Variants in PIEZO1 observed in about 807,000 individuals in gnomAD.
The protein encoded by PIEZO1 is piezo-type mechanosensitive ion channel component 1.
PIEZO1 carries 296 observed loss-of-function variants against 297.2 expected under a neutral mutation model. The ratio of observed to expected loss-of-function variants is 1.00; its 90% CI spans 0.91 to 1.10. PIEZO1 has a LOEUF of 1.10. Among genes scored for constraint, PIEZO1 ranks in the 50% least tolerant of loss-of-function variants. The pLI is 0.00. For missense variants in PIEZO1, 5,018 were observed against 3,455.5 expected (o/e 1.45, Z -11.34); for synonymous variants, 2,427 against 1,507.5 (o/e 1.61, Z -14.13).
rs549059470 is a variant in PIEZO1 at position 88,720,539 on chromosome 16, A to G, written c.5802-7T>C. The stretch of plus-strand genomic sequence containing the variant: ...CCGATATGTGCCCTGGGCCCTGCGG[A>G]AGGGGGCGCTCAGCCTGGGCCCAGT... On this transcript the variant is annotated splice_polypyrimidine_tract_variant and splice_region_variant and intron_variant, in intron 40 of 50. Coordinates refer to ENST00000301015, the MANE Select transcript of PIEZO1 (RefSeq NM_001142864.4). The G allele has an allele frequency of 7.1e-6, 11 of 1,549,390 alleles. No individual in the cohort carries two copies. Among genetic ancestry groups the G allele is most frequent in the Non-Finnish European group, 9.6e-6 (11 of 1,146,852 alleles).
At position 88,785,181 on chromosome 16, in the gene PIEZO1, T is replaced by G; in HGVS notation, c.-217A>C. The G allele has an allele frequency of 3.7e-6, 1 of 267,536 alleles. No individual in the cohort carries two copies. The allele number at this position is 267,536 out of a possible 1,614,324, so 16.6% of individuals were successfully genotyped here. A position where few individuals can be genotyped will look rare whatever the true frequency, so the allele number is the denominator to read the frequency against. ...CCTGCCCCTCGGCGGAGCGCAGCGC[T>G]CGGCTCACTGGGGCCGAGCTGGGCC... On this transcript the variant is annotated 5_prime_UTR_variant, in exon 1 of 51. Coordinates refer to ENST00000301015, the MANE Select transcript of PIEZO1 (RefSeq NM_001142864.4).
Position 88,715,539 on chromosome 16 carries a change from G to A in PIEZO1, c.*66C>T, listed in dbSNP as rs980874158. 2 of 1,468,462 alleles carry A rather than the reference G, an allele frequency of 1.4e-6. No individual in the cohort carries two copies. Among genetic ancestry groups the A allele is most frequent in the African/African-American group, 1.4e-5 (1 of 71,688 alleles). The allele number at this position is 1,468,462 out of a possible 1,614,324, so 91.0% of individuals were successfully genotyped here. On this transcript the variant is annotated 3_prime_UTR_variant, in exon 51 of 51. Transcript: ENST00000301015. ...CAGTGGCTCCCCCGGCCTGAGGAGT[G>A]CCGCCCCTTGTGGCCACGCTGCCCA...
At chr16:88,781,243 C>T (rs12924828) in intron 1 of PIEZO1, among the ~76,000 whole-genome samples, 1,557 of 152,340 alleles carry the variant, frequency 0.01, 20 homozygotes, top group South Asian at 0.056. Flanking sequence ...GCCCAGGAAG[C>T]TGCCTTGGGG....
At chr16:88,753,311 C>A (rs1413816427) in intron 1 of PIEZO1, among the ~76,000 whole-genome samples, 1 of 102,136 alleles carries the variant, frequency 9.8e-6, no homozygotes, top group Non-Finnish European at 2.0e-5. Flanking sequence ...CCGCAGCACA[C>A]CTCCCGCCCC....
intron 1 of PIEZO1, among the ~76,000 whole-genome samples, chr16:88,774,517 C>G (rs1053471498): frequency 1.3e-5 from 2 of 152,210 alleles, no homozygotes; most frequent in African/African-American, 4.8e-5. Context: ...CTCCTGGGCT[C>G]CAGAGTCCCC....
chr16:88,733,850 G>A, intron 17 of PIEZO1, 56 bp downstream of exon 17: 1 of 1,463,314 alleles, frequency 6.8e-7, no homozygotes. Context: ...CGCCCCCCGA[G>A]CTGGGACATG....
chr16:88,746,230 C>A (rs7192679), intron 2 of PIEZO1, among the ~76,000 whole-genome samples: 1 of 152,054 alleles, frequency 6.6e-6, no homozygotes, highest in African/African-American at 2.4e-5. Flanking sequence ...CTGGCAGAGC[C>A]GGGGGACCAG....
rs541623040 is a variant in PIEZO1 at position 88,754,902 on chromosome 16, G to A, written c.65-5423C>T. Among the ~76,000 whole-genome samples, 106 of 152,354 alleles carry A rather than the reference G, an allele frequency of 7.0e-4. 3 individuals carry two copies. In the South Asian group the frequency reaches 0.016, roughly 23 times the overall value. On this transcript the variant is annotated intron_variant, in intron 1 of 50. Transcript: ENST00000301015. ...GGGGCATCGTGTGAACGAACGCCCC[G>A]GCGTGCCGTCCCGCTCCACGCCTGC...
At chr16:88,759,895 G>C (rs1447926264) in intron 1 of PIEZO1, among the ~76,000 whole-genome samples, 1 of 152,144 alleles carries the variant, frequency 6.6e-6, no homozygotes, top group African/African-American at 2.4e-5. Context: ...GCTGTGTGGG[G>C]AGGGGACCTG....
chr16:88,730,362 G>GGGAGGT (rs1555554648), intron 22 of PIEZO1, among the ~76,000 whole-genome samples: 3 of 151,430 alleles, frequency 2.0e-5, no homozygotes, highest in African/African-American at 4.8e-5. Flanking sequence ...CCTGTAATTT[G>GGGAGGT]GGAGGCGGGT....
chr16:88,735,900 C>T lies in PIEZO1; in HGVS notation c.1557+248G>A, dbSNP rs893090120. Among the ~76,000 whole-genome samples the T allele has an allele frequency of 4.6e-5, 7 of 152,146 alleles. No homozygotes were observed. The East Asian group carries it at 1.3e-3, about 29-fold the overall frequency. On this transcript the variant is annotated intron_variant, in intron 12 of 50. Coordinates refer to ENST00000301015, the MANE Select transcript of PIEZO1 (RefSeq NM_001142864.4). Reference sequence around the variant, plus strand: ...AGGGGTGGTGCCCGTGCCAACAGAGCCCACGCTCACACAGTGTCAGGGCAC... The same window carrying T: ...AGGGGTGGTGCCCGTGCCAACAGAGTCCACGCTCACACAGTGTCAGGGCAC...
chr16:88,742,093 T>A lies in PIEZO1; in HGVS notation c.286A>T (p.Ser96Cys). 6.5e-7 allele frequency: 1 copy of A among 1,535,932 alleles called. No homozygotes were observed. Among genetic ancestry groups the A allele is most frequent in the South Asian group, 1.2e-5 (1 of 84,052 alleles). ...RLDQLLGPSCSRWETLSRHIG... is the reference protein window; with the variant it reads ...RLDQLLGPSCCRWETLSRHIG... The stretch of plus-strand genomic sequence containing the variant: ...TGTCGCGAGAGGGTCTCCCAGCGGC[T>A]GCCTGCAGAGAAAGACGGGGGAACC... Residue 96 changes from serine to cysteine, a missense_variant and splice_region_variant, in exon 4 of 51, where the codon AGC becomes TGC. Transcript: ENST00000301015.
intron 42 of PIEZO1, 40 bp downstream of exon 42, chr16:88,720,029 C>G (rs764393721): frequency 1.3e-6 from 2 of 1,549,432 alleles, no homozygotes; most frequent in Non-Finnish European, 1.7e-6. Flanking sequence ...CCTGCACTGC[C>G]CCGCCCCTGG....
chr16:88,732,775 T>A (rs1342019727), intron 19 of PIEZO1, 43 bp from the exon 20 acceptor site: 2 of 1,480,114 alleles, frequency 1.4e-6, no homozygotes, highest in East Asian at 2.6e-5. Context: ...CAGGCCACAG[T>A]GCCCCCTGGC....
chr16:88,748,932 C>CAAA (rs869031857), intron 2 of PIEZO1, among the ~76,000 whole-genome samples: 484 of 45,210 alleles, frequency 0.011, 14 homozygotes, highest in Non-Finnish European at 0.014. Flanking sequence ...GACTCGGTCT[C>CAAA]AAAAAAAAAA....
chr16:88,751,309 C>T (rs889121222), intron 1 of PIEZO1, among the ~76,000 whole-genome samples: 2 of 152,246 alleles, frequency 1.3e-5, no homozygotes, highest in South Asian at 2.1e-4. Flanking sequence ...ACCCATCTCC[C>T]CATTGGCACC....
intron 1 of PIEZO1, among the ~76,000 whole-genome samples, chr16:88,752,898 A>T (rs1285516824): frequency 6.6e-6 from 1 of 150,376 alleles, no homozygotes; most frequent in Non-Finnish European, 1.5e-5. Flanking sequence ...CCATTCATCC[A>T]TTCATTCATT....
chr16:88,723,909 G>T lies in PIEZO1; in HGVS notation c.4297C>A (p.Pro1433Thr), dbSNP rs1024722811. The T allele has an allele frequency of 3.9e-6, 6 of 1,549,630 alleles. No individual in the cohort carries two copies. The highest frequency in any genetic ancestry group is 2.0e-5 in the Admixed American group (1 of 51,006). The change falls in exon 31 of 51, where the codon CCT becomes ACT. Residue 1433 changes from proline to threonine, a missense_variant. Physicochemically the swap from Pro to Thr is conservative, Grantham distance 38 (BLOSUM62 -1). Coordinates refer to ENST00000301015, the MANE Select transcript of PIEZO1 (RefSeq NM_001142864.4). ...TGTGCCGACGGCCTCGGGTCTTCAG[G>T]AACAGCCTCCTCCTCTTCCTCACTG... ...SDSEEEEEAV[P>T]EDPRPSAQSA...
In PIEZO1 at chr16:88,785,124, C is replaced by G; in HGVS notation, c.-160G>C. 2.7e-6 allele frequency: 1 copy of G among 364,762 alleles called. No individual in the cohort carries two copies. Among genetic ancestry groups the G allele is most frequent in the South Asian group, 1.3e-4 (1 of 7,610 alleles). 22.6% of individuals were successfully genotyped at this position (364,762 alleles called of 1,614,324 possible). ...CCTTCGGCCGCCCCGCCGGTGCCGACGTCCCGGGCCCGCGCTCGCTCAGGC... is the reference window on the plus strand; with the variant it reads ...CCTTCGGCCGCCCCGCCGGTGCCGAGGTCCCGGGCCCGCGCTCGCTCAGGC... On this transcript the variant is annotated 5_prime_UTR_variant, in exon 1 of 51. Coordinates refer to ENST00000301015, the MANE Select transcript of PIEZO1 (RefSeq NM_001142864.4).
Sources: gnomAD v4.1 joint callset for allele counts (sites outside exome capture counted in the v4.1 genomes callset) on GRCh38, gnomAD v4.1.1 for gene constraint, MANE v1.5 for transcripts, NCBI Gene and HGNC (gene_info 2026-07-23, HGNC 2026-07-21) for gene names.